Variants in UGT3A1 observed in about 807,000 individuals in gnomAD.
The protein encoded by UGT3A1 is UDP-glycosyltransferase 3A1.
UGT3A1 carries 40 observed loss-of-function variants against 37.6 expected under a neutral mutation model. That is an observed-to-expected ratio of 1.06 (90% CI 0.83 to 1.38). The LOEUF (loss-of-function observed/expected upper bound fraction) is 1.38, where lower values mean the gene tolerates loss of function less well. UGT3A1 is among the 40% of genes most tolerant of loss of function. The pLI, the probability that UGT3A1 is intolerant of heterozygous loss-of-function variation, is 0.00. For missense variants in UGT3A1, 642 were observed against 634.2 expected (o/e 1.01, Z -0.13); for synonymous variants, 256 against 232.3 (o/e 1.10, Z -0.93).
chr5:35,965,918 C>T lies in UGT3A1; in HGVS notation c.312-1G>A, dbSNP rs766803927. The T allele has an allele frequency of 2.0e-6, 3 of 1,524,582 alleles. No homozygotes were observed. The highest frequency in any genetic ancestry group is 2.8e-5 in the African/African-American group (2 of 71,748). The allele number at this position is 1,524,582 out of a possible 1,614,324, so 94.4% of individuals were successfully genotyped here. A position where few individuals can be genotyped will look rare whatever the true frequency, so the allele number is the denominator to read the frequency against. Reference sequence around the variant, plus strand: ...CTTTACAAGGGCTTCAGATTCTTTTCTGTAATAAAGAAAATAAATAATAAA... The same window carrying T: ...CTTTACAAGGGCTTCAGATTCTTTTTTGTAATAAAGAAAATAAATAATAAA... On this transcript the variant is annotated splice_acceptor_variant, in intron 3 of 6. Coordinates refer to ENST00000274278, the MANE Select transcript of UGT3A1 (RefSeq NM_152404.4). LOFTEE classifies it high-confidence loss of function.
intron 2 of UGT3A1, among the ~76,000 whole-genome samples, chr5:35,978,583 A>C (rs888935275): frequency 6.6e-6 from 1 of 152,182 alleles, no homozygotes; most frequent in African/African-American, 2.4e-5. Flanking sequence ...AGCATGGGAA[A>C]GAACTGCCCC....
rs1248236859 is a variant in UGT3A1, at chr5:35,965,364, T to C, written c.843+22A>G. 5 of 1,606,850 alleles carry C rather than the reference T, an allele frequency of 3.1e-6. No individual in the cohort carries two copies. The African/African-American group carries it at 4.0e-5, about 13-fold the overall frequency. Reference sequence around the variant, plus strand: ...CAAGGACTCTATGTGAATCCCAAACTGAATGCTGAGGGTTCACTTACTTGT... The same window carrying C: ...CAAGGACTCTATGTGAATCCCAAACCGAATGCTGAGGGTTCACTTACTTGT... On this transcript the variant is annotated intron_variant, in intron 4 of 6. Transcript: ENST00000274278.
intron 1 of UGT3A1, among the ~76,000 whole-genome samples, chr5:35,999,360 C>T (rs914446560): frequency 6.6e-6 from 1 of 152,060 alleles, no homozygotes; most frequent in Non-Finnish European, 1.5e-5. Context: ...ATCAGGGTAA[C>T]CAATTGGCTG....
Position 35,988,565 on chromosome 5 carries a change from A to G in UGT3A1, c.95-14T>C, listed in dbSNP as rs752639955. ...AATGGCTTCCACCTAGAAACAATGC[A>G]CAATGTCTTTTGTAAAGATGAAAAT... On this transcript the variant is annotated splice_polypyrimidine_tract_variant and intron_variant, in intron 1 of 6. Coordinates refer to ENST00000274278, the MANE Select transcript of UGT3A1 (RefSeq NM_152404.4). 4 of 1,582,682 alleles carry G rather than the reference A, an allele frequency of 2.5e-6. No homozygotes were observed. Among genetic ancestry groups the G allele is most frequent in the Middle Eastern group, 1.7e-4 (1 of 5,946 alleles).
upstream of UGT3A1, among the ~76,000 whole-genome samples, chr5:35,994,323 TTTGTTTTGTTTGTGTG>T (rs1741039575): frequency 1.4e-5 from 2 of 138,882 alleles, no homozygotes; most frequent in Admixed American, 7.8e-5. Flanking sequence ...TTTGTTTTGT[TTTGTTTTGTTTGTGTG>T]TGTGTGTGTG....
chr5:35,956,130 A>G (rs886815008), intron 5 of UGT3A1, among the ~76,000 whole-genome samples: 1 of 152,232 alleles, frequency 6.6e-6, no homozygotes, highest in African/African-American at 2.4e-5. Flanking sequence ...TAAGCAAGGC[A>G]TATTTCTCCA....
intron 2 of UGT3A1, among the ~76,000 whole-genome samples, chr5:35,968,539 G>GA (rs1051818595): frequency 2.0e-5 from 3 of 152,048 alleles, no homozygotes; most frequent in African/African-American, 7.2e-5. Context: ...TTCTCTTTTA[G>GA]AAAAAATCAT....
rs1158873266 is a variant in UGT3A1, at chr5:35,965,790, A to G, written c.439T>C (p.Phe147Leu). The G allele has an allele frequency of 1.9e-6, 3 of 1,614,098 alleles. No homozygotes were observed. In the Admixed American group the frequency reaches 5.0e-5, roughly 27 times the overall value. ...ENYDLVFVEA[F>L]DFCSFLIAEK... is the part of the protein sequence containing the mutation. ...GCAATCAGGAAAGAACAGAAATCAA[A>G]TGCTTCAACAAATACCAGATCATAG... Residue 147 changes from phenylalanine to leucine, a missense_variant, in exon 4 of 7, where the codon TTT (phenylalanine) becomes CTT (leucine). Physicochemically the swap from Phe to Leu is conservative, Grantham distance 22 (BLOSUM62 0). Transcript: ENST00000274278.
chr5:35,996,286 A>T (rs916055377), upstream of UGT3A1, among the ~76,000 whole-genome samples: 4 of 152,188 alleles, frequency 2.6e-5, no homozygotes, highest in East Asian at 7.7e-4. Context: ...TCGCTTCTCC[A>T]AATATTCTAT....
intron 2 of UGT3A1, among the ~76,000 whole-genome samples, chr5:35,968,941 C>T (rs552293080): frequency 6.6e-6 from 1 of 152,236 alleles, no homozygotes; most frequent in Admixed American, 6.5e-5. Context: ...TTTCAGTAGC[C>T]CTGGATCATG....
At chr5:35,969,563 G>A (rs1369019363) in intron 2 of UGT3A1, among the ~76,000 whole-genome samples, 1 of 151,826 alleles carries the variant, frequency 6.6e-6, no homozygotes, top group Non-Finnish European at 1.5e-5. Context: ...TGGGGAGGGG[G>A]ACGGGTGGGA....
In UGT3A1 at chr5:35,968,069, T is replaced by C; in HGVS notation, c.261A>G (p.Lys87=). 3 of 1,613,204 alleles carry C rather than the reference T, an allele frequency of 1.9e-6. No homozygotes were observed. The highest frequency in any genetic ancestry group is 2.5e-6 in the Non-Finnish European group (3 of 1,179,782). The stretch of plus-strand genomic sequence containing the variant: ...AGCTATCAAAATGCTTCTTAATTCT[T>C]TTTTGATGATCTTCAGGTGAAAACC... ...IRWFSPEDHQ[K]RIKKHFDSYI... The change falls in exon 3 of 7, where the codon AAA becomes AAG. Residue 87 remains lysine, a synonymous_variant. Transcript: ENST00000274278.
rs368208187 is a variant in UGT3A1, at chr5:35,991,137, A to C, written c.94+10T>G. 11 of 1,614,078 alleles carry C rather than the reference A, an allele frequency of 6.8e-6. No individual in the cohort carries two copies. Among genetic ancestry groups the C allele is most frequent in the Middle Eastern group, 1.6e-4 (1 of 6,084 alleles). On this transcript the variant is annotated intron_variant, in intron 1 of 6. Transcript: ENST00000274278. The stretch of plus-strand genomic sequence containing the variant: ...GCGCCTGTCTGGGAATTCTCCGGCC[A>C]AGCACTCACCCAGTGTAGATATTGT...
chr5:35,992,650 G>C (rs1312444052), upstream of UGT3A1, among the ~76,000 whole-genome samples: 2 of 152,098 alleles, frequency 1.3e-5, no homozygotes, highest in South Asian at 2.1e-4. Context: ...GCTGCCAAGA[G>C]AAAACAAACA....
intron 2 of UGT3A1, among the ~76,000 whole-genome samples, chr5:35,972,437 C>T (rs548917958): frequency 6.6e-6 from 1 of 151,554 alleles, no homozygotes; most frequent in South Asian, 2.1e-4. Context: ...GCCTACCTGA[C>T]CTATAGATTT....
In UGT3A1 at chr5:35,991,133, G is replaced by A. The variant is rs754199561; in HGVS notation, c.94+14C>T. ...GGACGCGCCTGTCTGGGAATTCTCC[G>A]GCCAAGCACTCACCCAGTGTAGATA... is the stretch of plus-strand genomic sequence containing the variant. On this transcript the variant is annotated intron_variant, in intron 1 of 6. Transcript: ENST00000274278. 3 of 1,614,038 alleles carry A rather than the reference G, an allele frequency of 1.9e-6. No homozygotes were observed. Among genetic ancestry groups the A allele is most frequent in the Non-Finnish European group, 2.5e-6 (3 of 1,180,022 alleles).
intron 2 of UGT3A1, among the ~76,000 whole-genome samples, chr5:35,981,465 A>G (rs960174763): frequency 2.0e-5 from 3 of 152,166 alleles, no homozygotes; most frequent in Non-Finnish European, 4.4e-5. Flanking sequence ...CACTCTTTCT[A>G]TGCTTTAGCA....
intron 2 of UGT3A1, among the ~76,000 whole-genome samples, chr5:35,977,548 T>C (rs7733276): frequency 0.01 from 1,591 of 152,274 alleles, 24 homozygotes; most frequent in African/African-American, 0.037. Context: ...CCACCCACTC[T>C]TTCTAGCTCC....
intron 4 of UGT3A1, among the ~76,000 whole-genome samples, chr5:35,959,137 A>G (rs1309258951): frequency 6.6e-6 from 1 of 152,232 alleles, no homozygotes; most frequent in African/African-American, 2.4e-5. Context: ...AAGCACACAC[A>G]AAAGTCCAGA....
Sources: gnomAD v4.1 joint callset for allele counts (sites outside exome capture counted in the v4.1 genomes callset) on GRCh38, gnomAD v4.1.1 for gene constraint, MANE v1.5 for transcripts, NCBI Gene and HGNC (gene_info 2026-07-23, HGNC 2026-07-21) for gene names.